Variants in PALLD observed in about 807,000 individuals in gnomAD.
PALLD encodes the protein palladin.
In PALLD, 61 loss-of-function variants were observed where a neutral mutation model predicts 123.5. The observed-to-expected ratio is 0.49, with a 90% CI of 0.40 to 0.61. The LOEUF (loss-of-function observed/expected upper bound fraction) is 0.61. PALLD is among the 20% of genes least tolerant of loss of function. The pLI, the probability that PALLD is intolerant of heterozygous loss-of-function variation, is 0.00. For missense variants in PALLD, 1,273 were observed against 1,377.0 expected, an observed-to-expected ratio of 0.92 and a Z score of 1.20; for synonymous variants, 465 against 496.4, an observed-to-expected ratio of 0.94 and a Z score of 0.84.
At chr4:168,623,391 T>C (rs1431343832) in intron 2 of PALLD, among the ~76,000 whole-genome samples, 1 of 152,212 alleles carries the variant, frequency 6.6e-6, no homozygotes, top group African/African-American at 2.4e-5. Flanking sequence ...AATACAAACA[T>C]GTGGTTCATG....
chr4:168,772,438 C>A (rs1033308630), intron 10 of PALLD, among the ~76,000 whole-genome samples: 1 of 152,182 alleles, frequency 6.6e-6, no homozygotes, highest in Admixed American at 6.5e-5. Context: ...AAGTACTAAA[C>A]CTCCTCAAAA....
intron 10 of PALLD, among the ~76,000 whole-genome samples, chr4:168,830,456 G>C (rs547818509): frequency 1.3e-5 from 2 of 152,002 alleles, no homozygotes; most frequent in Admixed American, 1.3e-4. Flanking sequence ...CTTGAGCCTG[G>C]GAGGTCAAAA....
chr4:168,916,568 TC>T (rs1760150393), intron 17 of PALLD, among the ~76,000 whole-genome samples: 2 of 152,156 alleles, frequency 1.3e-5, no homozygotes, highest in South Asian at 4.1e-4. Context: ...GTTTTATTTA[TC>T]CCTTTAAATG....
chr4:168,783,575 T>C (rs1196398132), intron 10 of PALLD, among the ~76,000 whole-genome samples: 1 of 152,210 alleles, frequency 6.6e-6, no homozygotes, highest in Non-Finnish European at 1.5e-5. Flanking sequence ...CAGGGCAAGA[T>C]GATCATGCTG....
chr4:168,853,715 G>T (rs1748150852), intron 10 of PALLD, among the ~76,000 whole-genome samples: 1 of 152,290 alleles, frequency 6.6e-6, no homozygotes, highest in South Asian at 2.1e-4. Flanking sequence ...ACCAGGCCTG[G>T]TGGGCCAGGT....
intron 2 of PALLD, among the ~76,000 whole-genome samples, chr4:168,656,119 T>A (rs12715866): frequency 0.13 from 19,612 of 152,136 alleles, 2,188 homozygotes; most frequent in African/African-American, 0.3. Flanking sequence ...GTAATCCAAG[T>A]TACAACAATA....
intron 10 of PALLD, among the ~76,000 whole-genome samples, chr4:168,779,227 A>G (rs924553554): frequency 4.6e-5 from 7 of 152,288 alleles, no homozygotes; most frequent in East Asian, 1.9e-4. Flanking sequence ...TACTAATTAC[A>G]TTTTTACTTT....
chr4:168,581,038 C>T lies in PALLD; in HGVS notation c.908+68626C>T, dbSNP rs183969299. Among the ~76,000 whole-genome samples, 6 of 151,530 alleles carry T rather than the reference C, an allele frequency of 4.0e-5. No homozygotes were observed. In the East Asian group the frequency reaches 1.2e-3, roughly 29 times the overall value. On this transcript the variant is annotated intron_variant, in intron 2 of 21. Coordinates refer to ENST00000505667, the MANE Select transcript of PALLD (RefSeq NM_001166108.2). ...AAACTGTCAGATACTATGATTTGTA[C>T]CCATGTGACAAAATAATCTGTATAC...
At chr4:168,858,610 C>T (rs908558973) in intron 10 of PALLD, among the ~76,000 whole-genome samples, 2 of 151,938 alleles carry the variant, frequency 1.3e-5, no homozygotes, top group African/African-American at 4.8e-5. Flanking sequence ...CAGGGAGACC[C>T]CATCTCTACA....
At chr4:168,790,105 A>C (rs1391923282) in intron 10 of PALLD, among the ~76,000 whole-genome samples, 4 of 151,580 alleles carry the variant, frequency 2.6e-5, no homozygotes, top group Non-Finnish European at 5.9e-5. Context: ...GAGGCCTGGC[A>C]ACGTGAATGT....
At chr4:168,733,889 C>T (rs867791539) in intron 10 of PALLD, among the ~76,000 whole-genome samples, 18 of 152,264 alleles carry the variant, frequency 1.2e-4, no homozygotes, top group African/African-American at 3.1e-4. Flanking sequence ...CGCCCGCCAC[C>T]GCACCTGGCT....
chr4:168,543,063 G>C (rs994761152), intron 2 of PALLD, among the ~76,000 whole-genome samples: 1 of 151,936 alleles, frequency 6.6e-6, no homozygotes, highest in Non-Finnish European at 1.5e-5. Context: ...AGCTGATACT[G>C]TCTCGTCTAC....
At chr4:168,904,648 A>G (rs1310267125) in intron 15 of PALLD, among the ~76,000 whole-genome samples, 1 of 152,206 alleles carries the variant, frequency 6.6e-6, no homozygotes, top group African/African-American at 2.4e-5. Context: ...AAAGTCTGCA[A>G]AAGTAGTATA....
chr4:168,879,652 G>A (rs1752346072), intron 10 of PALLD, among the ~76,000 whole-genome samples: 1 of 152,214 alleles, frequency 6.6e-6, no homozygotes, highest in Non-Finnish European at 1.5e-5. Flanking sequence ...AGTTAGCAAT[G>A]CTTCTTTTGT....
chr4:168,570,568 A>G (rs1417298729), intron 2 of PALLD, among the ~76,000 whole-genome samples: 1 of 152,176 alleles, frequency 6.6e-6, no homozygotes, highest in Non-Finnish European at 1.5e-5. Context: ...TGCCAATTGC[A>G]CTTTTCCATG....
At chr4:168,687,536 G>A (rs1179952250) in intron 6 of PALLD, among the ~76,000 whole-genome samples, 2 of 152,152 alleles carry the variant, frequency 1.3e-5, no homozygotes, top group Non-Finnish European at 2.9e-5. Flanking sequence ...GGGGTGCCAG[G>A]GCCCAACACG....
At chr4:168,629,108 T>C (rs191549319) in intron 2 of PALLD, among the ~76,000 whole-genome samples, 133 of 151,720 alleles carry the variant, frequency 8.8e-4, no homozygotes, top group African/African-American at 3.2e-3. Context: ...TCTCTGCCTC[T>C]TGGGTTCAAG....
At chr4:168,814,483 G>A (rs567508504) in intron 10 of PALLD, among the ~76,000 whole-genome samples, 1 of 152,296 alleles carries the variant, frequency 6.6e-6, no homozygotes, top group East Asian at 1.9e-4. Flanking sequence ...GAACCATGTT[G>A]GGAATTCTGA....
chr4:168,598,354 G>A (rs1489992709), intron 2 of PALLD: 2 of 564,524 alleles, frequency 3.5e-6, no homozygotes, highest in Non-Finnish European at 6.9e-6. Flanking sequence ...CTTGCCATGG[G>A]AACTGTTTGG....
Sources: allele counts gnomAD v4.1 joint callset (sites outside exome capture counted in the v4.1 genomes callset), GRCh38; gene constraint gnomAD v4.1.1; transcripts MANE v1.5; gene names NCBI Gene and HGNC (gene_info 2026-07-23, HGNC 2026-07-21).